PKD1L3: variants seen among roughly 807,000 people sequenced by gnomAD.
The protein encoded by PKD1L3 is polycystin 1 like 3, transient receptor potential channel interacting.
PKD1L3 carries 239 observed loss-of-function variants against 184.1 expected under a neutral mutation model. The observed-to-expected ratio is 1.30, with a 90% CI of 1.17 to 1.45. PKD1L3 has a LOEUF of 1.45. PKD1L3 is among the 40% of genes most tolerant of loss of function. The pLI is 0.00. For missense variants in PKD1L3, 2,660 were observed against 2,067.2 expected, an observed-to-expected ratio of 1.29 and a Z score of -5.56; for synonymous variants, 996 against 778.8, an observed-to-expected ratio of 1.28 and a Z score of -4.64.
intron 11 of PKD1L3, 84 bp from the exon 12 acceptor site, chr16:71,973,601 AT>A: frequency 1.6e-6 from 2 of 1,227,838 alleles, no homozygotes; most frequent in Non-Finnish European, 2.2e-6. Context: ...TCTATTATTA[AT>A]ATTTTACAAA....
At chr16:71,979,653 T>A (rs1451688487) in intron 9 of PKD1L3, 133 bp downstream of exon 9, 1 of 1,108,224 alleles carries the variant, frequency 9.0e-7, no homozygotes, top group Non-Finnish European at 1.2e-6. Context: ...AAAATAAAAA[T>A]GAATGCTACA....
chr16:71,978,188 C>T (rs2040002045), intron 10 of PKD1L3, 67 bp downstream of exon 10: 1 of 1,477,502 alleles, frequency 6.8e-7, no homozygotes, highest in African/African-American at 1.4e-5. Context: ...TAAGTTGTTG[C>T]ATCCTTCCAT....
chr16:71,994,826 G>A (rs530179967), intron 2 of PKD1L3, among the ~76,000 whole-genome samples: 20 of 151,944 alleles, frequency 1.3e-4, no homozygotes, highest in Middle Eastern at 3.4e-3. Context: ...TGGTGAAACC[G>A]CCGTCTCTAC....
intron 22 of PKD1L3, among the ~76,000 whole-genome samples, chr16:71,945,264 A>ATAT (rs2038525089): frequency 3.2e-5 from 3 of 93,518 alleles, no homozygotes; most frequent in Non-Finnish European, 6.4e-5. Context: ...TGAATTTCTT[A>ATAT]ACTATATATA....
At position 71,960,603 on chromosome 16, in the gene PKD1L3, G is replaced by T. The variant is rs540791628; in HGVS notation, c.2612+2602C>A. Among the ~76,000 whole-genome samples, 6 of 151,316 alleles carry T rather than the reference G, an allele frequency of 4.0e-5. No homozygotes were observed. The East Asian group carries it at 9.6e-4, about 24-fold the overall frequency. On this transcript the variant is annotated intron_variant, in intron 16 of 29. Coordinates refer to ENST00000620267, the MANE Select transcript of PKD1L3 (RefSeq NM_181536.2). Reference sequence around the variant, plus strand: ...AAATGCTCCTAATAAACATCCAATAGACATATAAAATATGTCTATACGGTA... The same window carrying T: ...AAATGCTCCTAATAAACATCCAATATACATATAAAATATGTCTATACGGTA...
chr16:71,967,347 G>C (rs1382147599), intron 14 of PKD1L3, 32 bp from the exon 15 acceptor site: 7 of 1,524,864 alleles, frequency 4.6e-6, no homozygotes, highest in Non-Finnish European at 6.2e-6. Flanking sequence ...TAAAATATAA[G>C]GAATTTTAAC....
At position 71,949,765 on chromosome 16, in the gene PKD1L3, T is replaced by G. The variant is rs1549292; in HGVS notation, c.3618+18A>C. On this transcript the variant is annotated intron_variant, in intron 21 of 29. Transcript: ENST00000620267. ...CTAACTTCTGCAACTCCAATGGTTC[T>G]TCCCATCCCTCACATACCTTTACTG... 0.15 allele frequency: 225,387 copies of G among 1,542,838 alleles called. 20,716 individuals are homozygous for G. Among genetic ancestry groups the G allele is most frequent in the South Asian group, 0.37 (31,340 of 83,772 alleles).
At chr16:71,943,308 G>A (rs549332790) in intron 23 of PKD1L3, among the ~76,000 whole-genome samples, 9 of 152,012 alleles carry the variant, frequency 5.9e-5, no homozygotes, top group East Asian at 3.9e-4. Flanking sequence ...AAGCTGAGAC[G>A]GGCAGATCAC....
chr16:71,996,951 ATTTT>A lies in PKD1L3; in HGVS notation c.418+1317_418+1320del, dbSNP rs35603184. Among the ~76,000 whole-genome samples, 736 of 129,586 alleles carry A rather than the reference ATTTT, an allele frequency of 5.7e-3. 3 individuals are homozygous for A. Among genetic ancestry groups the A allele is most frequent in the African/African-American group, 8.8e-3 (295 of 33,696 alleles). The allele number at this position is 129,586 out of a possible 152,430, so 85.0% of individuals were successfully genotyped here. Reference sequence around the variant, plus strand: ...CTTGGACGGACTCCAAATTGCTTTGATTTTTTTTTTTTTTTTTTTTCTCCTTGAG... The same window carrying A: ...CTTGGACGGACTCCAAATTGCTTTGATTTTTTTTTTTTTTTTCTCCTTGAG... On this transcript the variant is annotated intron_variant, in intron 2 of 29. Transcript: ENST00000620267.
chr16:71,979,656 A>G, intron 9 of PKD1L3, 130 bp downstream of exon 9: 1 of 1,122,748 alleles, frequency 8.9e-7, no homozygotes, highest in Non-Finnish European at 1.2e-6. Flanking sequence ...ATAAAAATGA[A>G]TGCTACATAA....
At chr16:71,981,163 T>C (rs1264016493) in intron 7 of PKD1L3, among the ~76,000 whole-genome samples, 1 of 152,226 alleles carries the variant, frequency 6.6e-6, no homozygotes, top group Admixed American at 6.6e-5. Flanking sequence ...TTTGGCTATT[T>C]AGCTATTAAA....
rs551391862 is a variant in PKD1L3 at position 71,973,619 on chromosome 16, C to T, written c.1760-102G>A. 6 of 1,045,320 alleles carry T rather than the reference C, an allele frequency of 5.7e-6. No individual in the cohort carries two copies. In the East Asian group the frequency reaches 1.3e-4, roughly 23 times the overall value. 64.8% of individuals were successfully genotyped at this position (1,045,320 alleles called of 1,614,324 possible). Reference sequence around the variant, plus strand: ...ATTATTAATATTTTACAAATGAGACCATGATGAAACTAGAGTCACAAATGA... The same window carrying T: ...ATTATTAATATTTTACAAATGAGACTATGATGAAACTAGAGTCACAAATGA... On this transcript the variant is annotated intron_variant, in intron 11 of 29. Coordinates refer to ENST00000620267, the MANE Select transcript of PKD1L3 (RefSeq NM_181536.2).
At position 71,969,870 on chromosome 16, in the gene PKD1L3, A is replaced by T; in HGVS notation, c.2184+5T>A. ...GCAAATCTGTTGAAATCAAAGTCTC[A>T]TTACCTTCTGCATATCTGCTTGATC... On this transcript the variant is annotated splice_donor_5th_base_variant and intron_variant, in intron 13 of 29. Coordinates refer to ENST00000620267, the MANE Select transcript of PKD1L3 (RefSeq NM_181536.2). The T allele has an allele frequency of 6.5e-7, 1 of 1,541,884 alleles. No individual in the cohort carries two copies. The highest frequency in any genetic ancestry group is 1.2e-5 in the South Asian group (1 of 83,498).
At chr16:71,977,602 G>A in intron 10 of PKD1L3, 135 bp from the exon 11 acceptor site, 1 of 644,374 alleles carries the variant, frequency 1.6e-6, no homozygotes. Flanking sequence ...TTGCTATGTT[G>A]GCCACGTTGG....
At chr16:71,956,525 G>A (rs8054175) in intron 16 of PKD1L3, among the ~76,000 whole-genome samples, 117,772 of 152,106 alleles carry the variant, frequency 0.77, 45,835 homozygotes, top group East Asian at 0.97. Flanking sequence ...ACATGCTACA[G>A]CATGAATGAA....
At chr16:71,950,085 AG>A in intron 20 of PKD1L3, 32 bp downstream of exon 20, 1 of 1,548,916 alleles carries the variant, frequency 6.5e-7, no homozygotes, top group African/African-American at 1.4e-5. Flanking sequence ...GGAAGATTAC[AG>A]GGGATAAAGA....
rs760348766 is a variant in PKD1L3 at position 71,999,677 on chromosome 16, G to A, written c.295+7C>T. Reference sequence around the variant, plus strand: ...TCCTTCATAAACACTGAACCCCAGGGTCTTACCTGGGTATTTGTTGTCTTG... The same window carrying A: ...TCCTTCATAAACACTGAACCCCAGGATCTTACCTGGGTATTTGTTGTCTTG... On this transcript the variant is annotated splice_region_variant and intron_variant, in intron 1 of 29. Coordinates refer to ENST00000620267, the MANE Select transcript of PKD1L3 (RefSeq NM_181536.2). The A allele has an allele frequency of 2.9e-5, 44 of 1,534,420 alleles. No homozygotes were observed. In the East Asian group the frequency reaches 1.0e-3, roughly 36 times the overall value.
chr16:71,950,391 G>A (rs543472990), intron 19 of PKD1L3, 81 bp from the exon 20 acceptor site: 3 of 1,230,512 alleles, frequency 2.4e-6, no homozygotes, highest in Non-Finnish European at 2.2e-6. Flanking sequence ...ACAATTCATT[G>A]ATGGATGATG....
At chr16:71,998,153 T>C (rs2040856019) in intron 2 of PKD1L3, 119 bp downstream of exon 2, 2 of 1,342,610 alleles carry the variant, frequency 1.5e-6, no homozygotes, top group South Asian at 1.3e-5. Flanking sequence ...TCAAAAGCCC[T>C]GTATCATCCC....
Sources: allele counts gnomAD v4.1 joint callset (sites outside exome capture counted in the v4.1 genomes callset), GRCh38; gene constraint gnomAD v4.1.1; transcripts MANE v1.5; gene names NCBI Gene and HGNC (gene_info 2026-07-23, HGNC 2026-07-21).